Variants in KLHL13 observed in about 807,000 individuals in gnomAD.
KLHL13 encodes kelch like family member 13.
Under a neutral mutation model 37.1 loss-of-function variants are expected in KLHL13, and 10 were observed. That is an observed-to-expected ratio of 0.27 (90% CI 0.17 to 0.46). The LOEUF (loss-of-function observed/expected upper bound fraction) is 0.46, where lower values mean the gene tolerates loss of function less well. Ranked by LOEUF, KLHL13 falls within the 20% of genes least tolerant of loss-of-function variation. The probability of loss-of-function intolerance (pLI) is 1.00; values close to 1 mark genes in which losing one functional copy is unlikely to be tolerated. For synonymous variants in KLHL13, 163 were observed against 181.2 expected (o/e 0.90, Z 0.81); for missense variants, 360 against 509.3 (o/e 0.71, Z 2.82).
chrX:117,941,252 G>A (rs771188271), intron 2 of KLHL13, among the ~76,000 whole-genome samples: 2 of 111,007 alleles, frequency 1.8e-5, no homozygotes, highest in African/African-American at 6.5e-5. Flanking sequence ...ACATTTTATC[G>A]AGGATTTTTG....
chrX:118,044,364 G>A (rs1327867743), intron 1 of KLHL13, among the ~76,000 whole-genome samples: 2 of 86,685 alleles, frequency 2.3e-5, no homozygotes, highest in Admixed American at 1.4e-4. Context: ...ATTCTTCACA[G>A]AAATAGAAAT....
chrX:118,076,896 CTCT>C (rs1026825749), intron 1 of KLHL13, among the ~76,000 whole-genome samples: 4 of 108,332 alleles, frequency 3.7e-5, no homozygotes, highest in Non-Finnish European at 5.8e-5. Flanking sequence ...TTCTCCTCTT[CTCT>C]TCTTCTTCTC....
intron 1 of KLHL13, among the ~76,000 whole-genome samples, chrX:117,998,219 A>G (rs1267014512): frequency 8.9e-6 from 1 of 111,970 alleles, no homozygotes; most frequent in African/African-American, 3.2e-5. Context: ...ATTTTGAGAC[A>G]TTTCCCTAAA....
chrX:118,068,965 A>G (rs2148109132), intron 1 of KLHL13, among the ~76,000 whole-genome samples: 1 of 110,261 alleles, frequency 9.1e-6, no homozygotes, highest in South Asian at 3.9e-4. Context: ...GGGAACCCAT[A>G]CTTTGGCAGA....
chrX:117,937,949 T>C (rs1932853875), intron 2 of KLHL13, among the ~76,000 whole-genome samples: 3 of 112,154 alleles, frequency 2.7e-5, no homozygotes, highest in Non-Finnish European at 5.6e-5. Flanking sequence ...TACGTCTATA[T>C]AGATTTCTTT....
exon 1 of KLHL13, chrX:117,973,247 C>A: frequency 1.0e-6 from 1 of 967,034 alleles, no homozygotes; most frequent in East Asian, 7.4e-5. Flanking sequence ...AACCTGATTT[C>A]TGACCAATAG....
chrX:118,062,368 GTTAT>G (rs1194112252), intron 1 of KLHL13, among the ~76,000 whole-genome samples: 1 of 109,861 alleles, frequency 9.1e-6, no homozygotes, highest in Non-Finnish European at 1.9e-5. Flanking sequence ...CTCATCTGTG[GTTAT>G]TTATTCTAAC....
intron 1 of KLHL13, among the ~76,000 whole-genome samples, chrX:118,035,736 T>C (rs1482934066): frequency 9.1e-6 from 1 of 110,202 alleles, no homozygotes; most frequent in Non-Finnish European, 1.9e-5. Context: ...TTGGAAGTTC[T>C]GGCCAGGGCA....
At position 117,920,222 on chromosome X, in the gene KLHL13, T is replaced by A. The variant is rs776461704; in HGVS notation, c.373+16A>T. The A allele has an allele frequency of 8.3e-7, 1 of 1,204,504 alleles. No individual in the cohort carries two copies. Among genetic ancestry groups the A allele is most frequent in the South Asian group, 1.8e-5 (1 of 56,122 alleles). On this transcript the variant is annotated intron_variant, in intron 3 of 6. Coordinates refer to ENST00000262820, the Ensembl canonical transcript of KLHL13. The stretch of plus-strand genomic sequence containing the variant: ...ATTGTTTTAATGTGGTTTCAGAGTT[T>A]TAAAAGGCAAACTACCTGTGAACAT...
At chrX:118,114,853 A>G (rs2055451143) in intron 1 of KLHL13, among the ~76,000 whole-genome samples, 1 of 112,664 alleles carries the variant, frequency 8.9e-6, no homozygotes, top group Non-Finnish European at 1.9e-5. Flanking sequence ...TGGCAGATTG[A>G]AAACCTTGGG....
At chrX:117,942,587 CTTCT>C (rs1227729927) in intron 2 of KLHL13, among the ~76,000 whole-genome samples, 2 of 111,279 alleles carry the variant, frequency 1.8e-5, no homozygotes, top group African/African-American at 6.5e-5. Flanking sequence ...ATGAAATGCC[CTTCT>C]TTGTCTTTTT....
intron 1 of KLHL13, among the ~76,000 whole-genome samples, chrX:117,957,268 T>C (rs2147846337): frequency 8.9e-6 from 1 of 111,998 alleles, no homozygotes; most frequent in Non-Finnish European, 1.9e-5. Flanking sequence ...ATACTGTGAT[T>C]GTATTTATAG....
At chrX:118,092,905 G>A (rs1184784146) in intron 1 of KLHL13, among the ~76,000 whole-genome samples, 2 of 111,750 alleles carry the variant, frequency 1.8e-5, no homozygotes, top group Non-Finnish European at 3.8e-5. Flanking sequence ...AAGTTCATGT[G>A]AATCTGTAAT....
intron 1 of KLHL13, among the ~76,000 whole-genome samples, chrX:117,999,935 AG>A (rs759430697): frequency 8.9e-6 from 1 of 111,826 alleles, no homozygotes; most frequent in African/African-American, 3.2e-5. Flanking sequence ...AGAATTGTGC[AG>A]CTGTGTTGTT....
At chrX:118,008,762 C>A (rs2054017679) in intron 1 of KLHL13, among the ~76,000 whole-genome samples, 1 of 111,434 alleles carries the variant, frequency 9.0e-6, no homozygotes, top group African/African-American at 3.3e-5. Flanking sequence ...AGACTTCCTG[C>A]ATTTGAACCC....
chrX:118,030,509 C>A (rs138985444), intron 1 of KLHL13, among the ~76,000 whole-genome samples: 139 of 111,485 alleles, frequency 1.2e-3, no homozygotes, highest in African/African-American at 4.5e-3. Flanking sequence ...ATTAGGTATG[C>A]AAATTTTCTC....
chrX:118,064,837 A>G (rs190858326), intron 1 of KLHL13, among the ~76,000 whole-genome samples: 1 of 111,501 alleles, frequency 9.0e-6, no homozygotes, highest in East Asian at 2.8e-4. Context: ...AACAACGCCT[A>G]CTTCTCAAAG....
chrX:117,983,389 T>C, intron 1 of KLHL13: 2 of 496,191 alleles, frequency 4.0e-6, no homozygotes, highest in Admixed American at 3.8e-5. Context: ...ACTTGATAAC[T>C]GTCTTCTAGT....
intron 1 of KLHL13, among the ~76,000 whole-genome samples, chrX:118,116,228 A>C (rs757068509): frequency 4.5e-5 from 5 of 111,782 alleles, no homozygotes; most frequent in South Asian, 3.8e-4. Flanking sequence ...GATGACAAAG[A>C]AGCACAGGAA....
Sources: allele counts gnomAD v4.1 joint callset (sites outside exome capture counted in the v4.1 genomes callset), GRCh38; gene constraint gnomAD v4.1.1; transcripts MANE v1.5; gene names NCBI Gene and HGNC (gene_info 2026-07-23, HGNC 2026-07-21).